Variants in LUZP2 observed in about 807,000 individuals in gnomAD.
The protein encoded by LUZP2 is leucine zipper protein 2.
Under a neutral mutation model 51.6 loss-of-function variants are expected in LUZP2, and 52 were observed. That is an observed-to-expected ratio of 1.01 (90% CI 0.81 to 1.27). LUZP2 has a LOEUF of 1.27. Ranked by LOEUF, LUZP2 falls within the 50% of genes most tolerant of loss-of-function variation. The probability of loss-of-function intolerance (pLI) is 0.00; values close to 1 mark genes in which losing one functional copy is unlikely to be tolerated. For missense variants in LUZP2, 436 were observed against 395.4 expected (o/e 1.10, Z -0.87); for synonymous variants, 154 against 137.3 (o/e 1.12, Z -0.85).
At chr11:24,735,182 A>T (rs1300039597) in intron 3 of LUZP2, among the ~76,000 whole-genome samples, 2 of 151,928 alleles carry the variant, frequency 1.3e-5, no homozygotes, top group Non-Finnish European at 2.9e-5. Context: ...AAACAGAGAA[A>T]GGAGTGTGTT....
At chr11:24,658,757 G>A (rs1241529045) in intron 1 of LUZP2, among the ~76,000 whole-genome samples, 3 of 152,096 alleles carry the variant, frequency 2.0e-5, no homozygotes, top group Non-Finnish European at 4.4e-5. Flanking sequence ...AAAAGTCAAT[G>A]AAGGATATGA....
intron 5 of LUZP2, among the ~76,000 whole-genome samples, chr11:24,888,633 A>G (rs1852746974): frequency 6.6e-6 from 1 of 152,024 alleles, no homozygotes; most frequent in African/African-American, 2.4e-5. Flanking sequence ...AAGTTGTAGG[A>G]ATATTTGTTT....
intron 5 of LUZP2, among the ~76,000 whole-genome samples, chr11:24,813,570 C>A (rs572216152): frequency 6.6e-6 from 1 of 152,170 alleles, no homozygotes; most frequent in South Asian, 2.1e-4. Context: ...TGTGTGAACT[C>A]AGAGCAAGAG....
chr11:24,603,203 G>C (rs951757529), intron 1 of LUZP2, among the ~76,000 whole-genome samples: 3 of 151,746 alleles, frequency 2.0e-5, no homozygotes, highest in African/African-American at 4.8e-5. Context: ...CCAAGATGAG[G>C]ATGAAGTGGA....
At chr11:24,498,945 T>C (rs1237297815) in intron 1 of LUZP2, among the ~76,000 whole-genome samples, 1 of 152,214 alleles carries the variant, frequency 6.6e-6, no homozygotes, top group Non-Finnish European at 1.5e-5. Context: ...ATACTATAAT[T>C]AAATTGAATG....
chr11:24,907,655 G>T (rs1423940699), intron 6 of LUZP2, among the ~76,000 whole-genome samples: 1 of 152,140 alleles, frequency 6.6e-6, no homozygotes, highest in Non-Finnish European at 1.5e-5. Context: ...CTAGATTGAA[G>T]TTATATTCTG....
rs543688561 is a variant in LUZP2, at chr11:24,677,278, A to G, written c.63-51891A>G. On this transcript the variant is annotated intron_variant, in intron 1 of 11. Transcript: ENST00000336930. ...TTTGAAATCATAAATTTCTCTCTAC[A>G]TTAACATTTTTGCCCTTATAATAAA... Among the ~76,000 whole-genome samples, 49 of 152,272 alleles carry G rather than the reference A, an allele frequency of 3.2e-4. 1 individual carries two copies. The South Asian group carries it at 9.7e-3, about 30-fold the overall frequency.
chr11:24,787,009 G>C (rs58582802), intron 5 of LUZP2, among the ~76,000 whole-genome samples: 3,617 of 152,116 alleles, frequency 0.024, 160 homozygotes, highest in African/African-American at 0.083. Flanking sequence ...ATTCAATTGA[G>C]GAATGAGTGT....
intron 1 of LUZP2, among the ~76,000 whole-genome samples, chr11:24,586,647 T>G (rs1162769250): frequency 6.6e-6 from 1 of 152,066 alleles, no homozygotes; most frequent in East Asian, 1.9e-4. Context: ...TGTTTTGGAT[T>G]ATTAAGTTTA....
At chr11:24,808,046 G>A (rs1368320484) in intron 5 of LUZP2, among the ~76,000 whole-genome samples, 2 of 152,246 alleles carry the variant, frequency 1.3e-5, no homozygotes, top group South Asian at 2.1e-4. Context: ...TTGTGAAACA[G>A]TGATCACAAT....
intron 1 of LUZP2, among the ~76,000 whole-genome samples, chr11:24,693,670 C>G (rs1488540171): frequency 6.6e-6 from 1 of 151,908 alleles, no homozygotes; most frequent in African/African-American, 2.4e-5. Flanking sequence ...TTTTTCTGTA[C>G]TGCATAGAAG....
At chr11:25,048,581 A>T (rs1187892274) in intron 9 of LUZP2, among the ~76,000 whole-genome samples, 2 of 152,190 alleles carry the variant, frequency 1.3e-5, no homozygotes, top group Non-Finnish European at 2.9e-5. Context: ...GGGCAACTGC[A>T]AATTTATTGA....
At chr11:24,866,588 C>A (rs1851903980) in intron 5 of LUZP2, among the ~76,000 whole-genome samples, 1 of 151,900 alleles carries the variant, frequency 6.6e-6, no homozygotes, top group Non-Finnish European at 1.5e-5. Context: ...AAAAGGTGAT[C>A]AAATATTGCA....
rs79484154 is a variant in LUZP2 at position 24,543,749 on chromosome 11, A to C, written c.62+46444A>C. On this transcript the variant is annotated intron_variant, in intron 1 of 11. Coordinates refer to ENST00000336930, the MANE Select transcript of LUZP2 (RefSeq NM_001009909.4). ...GGCAGGAGAATCTCTTGAACTAAGGAGGTGGAAGTTTGCAGTGAGCTGAGA... is the reference window on the plus strand; with the variant it reads ...GGCAGGAGAATCTCTTGAACTAAGGCGGTGGAAGTTTGCAGTGAGCTGAGA... 4.0e-3 allele frequency among the ~76,000 whole-genome samples: 521 copies of C among 130,880 alleles called. 23 individuals carry two copies. The East Asian group carries it at 0.096, about 24-fold the overall frequency. The allele number at this position is 130,880 out of a possible 152,430, so 85.9% of individuals were successfully genotyped here. A position where few individuals can be genotyped will look rare whatever the true frequency, so the allele number is the denominator to read the frequency against.
intron 1 of LUZP2, among the ~76,000 whole-genome samples, chr11:24,571,671 C>T (rs548437654): frequency 1.5e-4 from 23 of 152,072 alleles, no homozygotes; most frequent in African/African-American, 4.3e-4. Flanking sequence ...ATGACTTAAT[C>T]GCTTAAGAAT....
chr11:24,751,931 C>A (rs1217064876), intron 4 of LUZP2, among the ~76,000 whole-genome samples: 1 of 151,898 alleles, frequency 6.6e-6, no homozygotes, highest in Non-Finnish European at 1.5e-5. Context: ...AAAAAAACTA[C>A]TTGATAATGT....
intron 1 of LUZP2, among the ~76,000 whole-genome samples, chr11:24,564,991 G>A (rs1366453142): frequency 3.3e-5 from 5 of 152,156 alleles, no homozygotes; most frequent in African/African-American, 1.2e-4. Flanking sequence ...TCCCAGATTT[G>A]GGGATAGACA....
intron 5 of LUZP2, among the ~76,000 whole-genome samples, chr11:24,779,309 G>A (rs1357481687): frequency 6.6e-6 from 1 of 152,114 alleles, no homozygotes; most frequent in African/African-American, 2.4e-5. Context: ...ATAAGAAAAT[G>A]CCAGTGCTTA....
At chr11:24,704,410 G>A (rs902696841) in intron 1 of LUZP2, among the ~76,000 whole-genome samples, 7 of 150,340 alleles carry the variant, frequency 4.7e-5, no homozygotes. Flanking sequence ...ATTTCCATGT[G>A]TATCTGGACA....
Sources: gnomAD v4.1 joint callset for allele counts (sites outside exome capture counted in the v4.1 genomes callset) on GRCh38, gnomAD v4.1.1 for gene constraint, MANE v1.5 for transcripts, NCBI Gene and HGNC (gene_info 2026-07-23, HGNC 2026-07-21) for gene names.